ZNF462: variants seen among roughly 807,000 people sequenced by gnomAD.
ZNF462 encodes the protein zinc finger protein 462, also known as zinc finger PBX1-interacting protein.
In ZNF462, 10 loss-of-function variants were observed where a neutral mutation model predicts 201.9. The ratio of observed to expected loss-of-function variants is 0.05; its 90% CI spans 0.03 to 0.08. The LOEUF is 0.08. ZNF462 is among the 10% of genes least tolerant of loss of function. The pLI, the probability that ZNF462 is intolerant of heterozygous loss-of-function variation, is 1.00. For synonymous variants in ZNF462, 1,227 were observed against 1,193.3 expected (o/e 1.03, Z -0.58); for missense variants, 2,523 against 3,168.3 (o/e 0.80, Z 4.89).
Position 106,865,014 on chromosome 9 carries a change from G to A in ZNF462, c.-31+1659G>A, listed in dbSNP as rs1777003300. 6.6e-6 allele frequency among the ~76,000 whole-genome samples: 1 copy of A among 152,098 alleles called. No individual in the cohort carries two copies. Among genetic ancestry groups the A allele is most frequent in the Non-Finnish European group, 1.5e-5 (1 of 68,016 alleles). ...CCATTTTGAAGCTCTGTTGGTGATGGCTGGAGGAGGAGGAGGCTTGCTTGC... is the reference window on the plus strand; with the variant it reads ...CCATTTTGAAGCTCTGTTGGTGATGACTGGAGGAGGAGGAGGCTTGCTTGC... On this transcript the variant is annotated intron_variant, in intron 1 of 12. Transcript: ENST00000277225. The surrounding 1 kb of genome is among the most constrained non-coding windows in gnomAD (Gnocchi z 4.1).
Position 106,872,524 on chromosome 9 carries a change from A to G in ZNF462, c.-31+9169A>G, listed in dbSNP as rs920266983. Among the ~76,000 whole-genome samples, 3 of 152,016 alleles carry G rather than the reference A, an allele frequency of 2.0e-5. No individual in the cohort carries two copies. Among genetic ancestry groups the G allele is most frequent in the African/African-American group, 7.2e-5 (3 of 41,396 alleles). The stretch of plus-strand genomic sequence containing the variant: ...ACTACAGGCACAAGCCACCATGCCC[A>G]GCTAATTTCTTGTATTTTAGTAGAG... On this transcript the variant is annotated intron_variant, in intron 1 of 12. Coordinates refer to ENST00000277225, the MANE Select transcript of ZNF462 (RefSeq NM_021224.6). The surrounding 1 kb of genome is among the most constrained non-coding windows in gnomAD (Gnocchi z 4.5).
chr9:106,872,736 A>T lies in ZNF462; in HGVS notation c.-31+9381A>T, dbSNP rs537460344. On this transcript the variant is annotated intron_variant, in intron 1 of 12. Transcript: ENST00000277225. This position sits in a 1 kb window ranked among gnomAD's most constrained non-coding sequence, Gnocchi z 4.5. Reference sequence around the variant, plus strand: ...TTCCCCCCTTTCTGCTGTCAATTGAATATTGTCTGTTCTAATACTGGGTAA... The same window carrying T: ...TTCCCCCCTTTCTGCTGTCAATTGATTATTGTCTGTTCTAATACTGGGTAA... Among the ~76,000 whole-genome samples, 1 of 152,138 alleles carries T rather than the reference A, an allele frequency of 6.6e-6. No individual in the cohort carries two copies. Among genetic ancestry groups the T allele is most frequent in the Non-Finnish European group, 1.5e-5 (1 of 68,028 alleles).
In ZNF462 at chr9:107,009,803, A is replaced by G. The variant is rs1347126390; in HGVS notation, c.7313+135A>G. 8.8e-5 allele frequency: 114 copies of G among 1,290,680 alleles called. No individual in the cohort carries two copies. Among genetic ancestry groups the G allele is most frequent in the Non-Finnish European group, 1.1e-4 (107 of 954,918 alleles). 80.0% of individuals were successfully genotyped at this position (1,290,680 alleles called of 1,614,324 possible). A position where few individuals can be genotyped will look rare whatever the true frequency, so the allele number is the denominator to read the frequency against. On this transcript the variant is annotated intron_variant, in intron 12 of 12. Transcript: ENST00000277225. This position sits in a 1 kb window ranked among gnomAD's most constrained non-coding sequence, Gnocchi z 6.1. ...TTTCTGGGCCGTGGGAGGAGAGGCAATGGTGAGGAACCAAGTTTCTCCTTT... is the reference window on the plus strand; with the variant it reads ...TTTCTGGGCCGTGGGAGGAGAGGCAGTGGTGAGGAACCAAGTTTCTCCTTT...
In ZNF462 at chr9:107,009,432, A is replaced by G; in HGVS notation, c.7190-113A>G. On this transcript the variant is annotated intron_variant, in intron 11 of 12. Coordinates refer to ENST00000277225, the MANE Select transcript of ZNF462 (RefSeq NM_021224.6). The surrounding 1 kb of genome is among the most constrained non-coding windows in gnomAD (Gnocchi z 6.1). ...AGTGAGGAATCTGGAAATTGCTTTC[A>G]CCACATGGCTTTATCAGTGAAGGTA... is the stretch of plus-strand genomic sequence containing the variant. 2 of 1,414,852 alleles carry G rather than the reference A, an allele frequency of 1.4e-6. No individual in the cohort carries two copies. The highest frequency in any genetic ancestry group is 1.4e-5 in the African/African-American group (1 of 70,540). The allele number at this position is 1,414,852 out of a possible 1,614,324, so 87.6% of individuals were successfully genotyped here.
At chr9:106,975,456 T>C (rs1826928234) in intron 9 of ZNF462, 3 of 152,254 alleles carry the variant, frequency 2.0e-5, no homozygotes, top group Admixed American at 2.0e-4. Context: ...GCAAACTCAA[T>C]GGAAGGCTGG....
intron 1 of ZNF462, among the ~76,000 whole-genome samples, chr9:106,884,047 T>A (rs1246492340): frequency 6.6e-6 from 1 of 152,240 alleles, no homozygotes; most frequent in Non-Finnish European, 1.5e-5. Context: ...AAGTTTTCTT[T>A]CTAAATCACC....
chr9:106,965,494 A>G (rs1832033182), intron 7 of ZNF462, among the ~76,000 whole-genome samples: 1 of 152,028 alleles, frequency 6.6e-6, no homozygotes, highest in South Asian at 2.1e-4. Context: ...GAGGAGGAAA[A>G]TGAATGGAGG....
At chr9:106,879,332 A>ACCCCCCC (rs796290122) in intron 1 of ZNF462, among the ~76,000 whole-genome samples, 91 of 70,616 alleles carry the variant, frequency 1.3e-3, no homozygotes, top group African/African-American at 1.5e-3. Context: ...GATGCTTTCC[A>ACCCCCCC]CCCCCCCCCC....
intron 1 of ZNF462, among the ~76,000 whole-genome samples, chr9:106,869,073 C>G (rs140497020): frequency 6.6e-6 from 1 of 152,310 alleles, no homozygotes; most frequent in Admixed American, 6.5e-5. Context: ...GAGCCCTTCT[C>G]AAATGCCCTT....
At chr9:106,897,087 A>G (rs1169230814) in intron 1 of ZNF462, among the ~76,000 whole-genome samples, 1 of 152,232 alleles carries the variant, frequency 6.6e-6, no homozygotes, top group Non-Finnish European at 1.5e-5. Flanking sequence ...CCCACATACT[A>G]ATAAAAATCA....
chr9:106,929,945 G>A lies in ZNF462; in HGVS notation c.5847+186G>A, dbSNP rs1830356237. Among the ~76,000 whole-genome samples the A allele has an allele frequency of 6.6e-6, 1 of 151,980 alleles. No homozygotes were observed. Among genetic ancestry groups the A allele is most frequent in the African/African-American group, 2.4e-5 (1 of 41,368 alleles). Reference sequence around the variant, plus strand: ...CATTCTGTGCTCACCCCTCTCCTTGGTCCCTTCTCCTCCCTCCTTCCCTTT... The same window carrying A: ...CATTCTGTGCTCACCCCTCTCCTTGATCCCTTCTCCTCCCTCCTTCCCTTT... On this transcript the variant is annotated intron_variant, in intron 3 of 12. Transcript: ENST00000277225. This position sits in a 1 kb window ranked among gnomAD's most constrained non-coding sequence, Gnocchi z 8.7.
At position 106,890,797 on chromosome 9, in the gene ZNF462, G is replaced by A. The variant is rs1392903275; in HGVS notation, c.-31+27442G>A. ...TAGGGAGTGCATAGTAGACTATGTT[G>A]TTCAATTATCATGAGATTACCACAT... On this transcript the variant is annotated intron_variant, in intron 1 of 12. Transcript: ENST00000277225. The surrounding 1 kb of genome is among the most constrained non-coding windows in gnomAD (Gnocchi z 4.2). Among the ~76,000 whole-genome samples, 2 of 152,114 alleles carry A rather than the reference G, an allele frequency of 1.3e-5. No homozygotes were observed. Among genetic ancestry groups the A allele is most frequent in the African/African-American group, 4.8e-5 (2 of 41,408 alleles).
chr9:106,920,338 T>C lies in ZNF462; in HGVS notation c.-30-3016T>C, dbSNP rs564870255. ...ACATATCAAGTTTCTCTCTCTTTGA[T>C]TGGGCCATGCCAGCAACTTCTATTT... On this transcript the variant is annotated intron_variant, in intron 1 of 12. Coordinates refer to ENST00000277225, the MANE Select transcript of ZNF462 (RefSeq NM_021224.6). The surrounding 1 kb of genome is among the most constrained non-coding windows in gnomAD (Gnocchi z 4.3). Among the ~76,000 whole-genome samples, 26 of 152,326 alleles carry C rather than the reference T, an allele frequency of 1.7e-4. No individual in the cohort carries two copies. The highest frequency in any genetic ancestry group is 6.3e-4 in the African/African-American group (26 of 41,570).
Position 107,005,299 on chromosome 9 carries a change from A to G in ZNF462, c.7189+1873A>G, listed in dbSNP as rs1035760960. 7.9e-5 allele frequency among the ~76,000 whole-genome samples: 12 copies of G among 152,312 alleles called. No individual in the cohort carries two copies. Among genetic ancestry groups the G allele is most frequent in the South Asian group, 2.1e-4 (1 of 4,824 alleles). ...ATTGAGGAACCTCCATGCTGTTTCC[A>G]TAACGGGTGTACTAATTTGCAGTCC... is the stretch of plus-strand genomic sequence containing the variant. On this transcript the variant is annotated intron_variant, in intron 11 of 12. Transcript: ENST00000277225. The surrounding 1 kb of genome is among the most constrained non-coding windows in gnomAD (Gnocchi z 4.4).
In ZNF462 at chr9:106,880,182, G is replaced by A. The variant is rs1273803672; in HGVS notation, c.-31+16827G>A. Reference sequence around the variant, plus strand: ...CAGGAGGATTTTCACAGCCTCTCTTGAATGAATACTTGCCTCAGATGCTGA... The same window carrying A: ...CAGGAGGATTTTCACAGCCTCTCTTAAATGAATACTTGCCTCAGATGCTGA... On this transcript the variant is annotated intron_variant, in intron 1 of 12. Coordinates refer to ENST00000277225, the MANE Select transcript of ZNF462 (RefSeq NM_021224.6). This position sits in a 1 kb window ranked among gnomAD's most constrained non-coding sequence, Gnocchi z 4.1. Among the ~76,000 whole-genome samples, 1 of 152,012 alleles carries A rather than the reference G, an allele frequency of 6.6e-6. No individual in the cohort carries two copies. Among genetic ancestry groups the A allele is most frequent in the South Asian group, 2.1e-4 (1 of 4,822 alleles).
Position 106,865,159 on chromosome 9 carries a change from C to T in ZNF462, c.-31+1804C>T, listed in dbSNP as rs1322275034. The stretch of plus-strand genomic sequence containing the variant: ...ATTTTTCTCCACCAAAGAGTGCTTT[C>T]ACAAGTTATTGAGGCGTTTGTTTCC... On this transcript the variant is annotated intron_variant, in intron 1 of 12. Transcript: ENST00000277225. The surrounding 1 kb of genome is among the most constrained non-coding windows in gnomAD (Gnocchi z 4.1). Among the ~76,000 whole-genome samples the T allele has an allele frequency of 6.6e-6, 1 of 152,138 alleles. No individual in the cohort carries two copies. Among genetic ancestry groups the T allele is most frequent in the Non-Finnish European group, 1.5e-5 (1 of 68,032 alleles).
chr9:106,933,682 C>G lies in ZNF462; in HGVS notation c.6116+1133C>G, dbSNP rs540338681. Among the ~76,000 whole-genome samples, 1 of 151,864 alleles carries G rather than the reference C, an allele frequency of 6.6e-6. No individual in the cohort carries two copies. Among genetic ancestry groups the G allele is most frequent in the Non-Finnish European group, 1.5e-5 (1 of 67,978 alleles). ...CCCACTGACTCATCAAAATAAAGCA[C>G]GTCTTTGAAAATATCAGTAAAATAC... On this transcript the variant is annotated intron_variant, in intron 5 of 12. Coordinates refer to ENST00000277225, the MANE Select transcript of ZNF462 (RefSeq NM_021224.6). The surrounding 1 kb of genome is among the most constrained non-coding windows in gnomAD (Gnocchi z 4.3).
intron 7 of ZNF462, among the ~76,000 whole-genome samples, chr9:106,943,229 G>A (rs1183346650): frequency 6.6e-6 from 1 of 152,054 alleles, no homozygotes; most frequent in Non-Finnish European, 1.5e-5. Context: ...ATAGAAAAAT[G>A]TTGCAAGGAG....
intron 1 of ZNF462, among the ~76,000 whole-genome samples, chr9:106,894,737 A>G (rs181681737): frequency 4.2e-4 from 64 of 152,326 alleles, no homozygotes; most frequent in African/African-American, 1.4e-3. Flanking sequence ...ACAGTGCCTG[A>G]TCCAAATGGA....
Sources: gnomAD v4.1 joint callset for allele counts (sites outside exome capture counted in the v4.1 genomes callset) on GRCh38, gnomAD v4.1.1 for gene constraint, Gnocchi (gnomAD v3.1) non-coding constraint, MANE v1.5 for transcripts, NCBI Gene and HGNC (gene_info 2026-07-23, HGNC 2026-07-21) for gene names.